ANGPT1: variants seen among roughly 807,000 people sequenced by gnomAD.
ANGPT1 encodes the protein angiopoietin 1.
ANGPT1 carries 17 observed loss-of-function variants against 62.2 expected under a neutral mutation model. That is an observed-to-expected ratio of 0.27 (90% CI 0.19 to 0.41). ANGPT1 has a LOEUF of 0.41. Ranked by LOEUF, ANGPT1 falls within the 10% of genes least tolerant of loss-of-function variation. The pLI, the probability that ANGPT1 is intolerant of heterozygous loss-of-function variation, is 1.00. For synonymous variants in ANGPT1, 199 were observed against 198.9 expected, an observed-to-expected ratio of 1.00 and a Z score of 0.00; for missense variants, 478 against 594.9, an observed-to-expected ratio of 0.80 and a Z score of 2.04.
chr8:107,379,371 C>T (rs1431519111), intron 1 of ANGPT1, among the ~76,000 whole-genome samples: 1 of 152,144 alleles, frequency 6.6e-6, no homozygotes, highest in Non-Finnish European at 1.5e-5. Flanking sequence ...GAAGTACTTA[C>T]TCCATAAGGC....
intron 1 of ANGPT1, among the ~76,000 whole-genome samples, chr8:107,464,347 A>T (rs977901690): frequency 3.3e-5 from 5 of 152,186 alleles, no homozygotes; most frequent in Non-Finnish European, 5.9e-5. Context: ...TAAGAGCTTG[A>T]ATAAGACAAA....
chr8:107,257,390 CTT>C (rs1477394743), intron 8 of ANGPT1, among the ~76,000 whole-genome samples: 1 of 152,110 alleles, frequency 6.6e-6, no homozygotes, highest in Non-Finnish European at 1.5e-5. Flanking sequence ...ATAGATGAAA[CTT>C]TGCCCAGAAA....
At chr8:107,497,227 G>A (rs1318231751) in intron 1 of ANGPT1, 35 bp downstream of exon 1, 12 of 1,600,284 alleles carry the variant, frequency 7.5e-6, no homozygotes, top group Non-Finnish European at 1.0e-5. Flanking sequence ...AAGGAAAAAG[G>A]TCCGTGCTAT....
At chr8:107,330,449 T>C (rs1011830969) in intron 3 of ANGPT1, among the ~76,000 whole-genome samples, 1 of 152,158 alleles carries the variant, frequency 6.6e-6, no homozygotes, top group East Asian at 1.9e-4. Context: ...TGGAAGTAAG[T>C]CTGCAAAAGT....
rs1814055441 is a variant in ANGPT1 at position 107,283,100 on chromosome 8, A to C, written c.1205+1582T>G. Among the ~76,000 whole-genome samples, 4 of 152,142 alleles carry C rather than the reference A, an allele frequency of 2.6e-5. No individual in the cohort carries two copies. In the South Asian group the frequency reaches 8.3e-4, roughly 32 times the overall value. ...AAATTCTTCAGGAGCCTAGGAAAAG[A>C]CTAGACTAATTATTTGCTAGTCCTA... On this transcript the variant is annotated intron_variant, in intron 7 of 8. Transcript: ENST00000517746.
intron 1 of ANGPT1, among the ~76,000 whole-genome samples, chr8:107,434,807 T>G (rs1398171525): frequency 6.6e-6 from 1 of 152,140 alleles, no homozygotes; most frequent in African/African-American, 2.4e-5. Flanking sequence ...TTTGAAATGG[T>G]TTTTCCCTGA....
intron 1 of ANGPT1, among the ~76,000 whole-genome samples, chr8:107,395,460 C>T (rs1325147813): frequency 6.6e-6 from 1 of 152,064 alleles, no homozygotes; most frequent in Non-Finnish European, 1.5e-5. Flanking sequence ...CATATATAAT[C>T]CACAAGTTTC....
chr8:107,299,401 A>G (rs1260695316), intron 5 of ANGPT1, among the ~76,000 whole-genome samples: 7 of 139,118 alleles, frequency 5.0e-5, no homozygotes, highest in African/African-American at 1.0e-4. Flanking sequence ...GTATATATAT[A>G]TATATATATA....
At chr8:107,322,648 A>G in intron 3 of ANGPT1, 1 of 218,264 alleles carries the variant, frequency 4.6e-6, no homozygotes, top group South Asian at 6.0e-5. Flanking sequence ...ATCAGAAATA[A>G]AGAGAAAAAT....
intron 1 of ANGPT1, among the ~76,000 whole-genome samples, chr8:107,483,627 T>G (rs1341039797): frequency 6.6e-6 from 1 of 152,140 alleles, no homozygotes; most frequent in Non-Finnish European, 1.5e-5. Context: ...TGATGACTCT[T>G]CCCCAGAATA....
At chr8:107,332,869 C>T (rs1230582771) in intron 3 of ANGPT1, among the ~76,000 whole-genome samples, 1 of 152,128 alleles carries the variant, frequency 6.6e-6, no homozygotes, top group African/African-American at 2.4e-5. Context: ...TTCAGAGATG[C>T]CTTAATGTAG....
chr8:107,412,608 C>A (rs1406227382), intron 1 of ANGPT1, among the ~76,000 whole-genome samples: 3 of 152,080 alleles, frequency 2.0e-5, no homozygotes, highest in Non-Finnish European at 1.5e-5. Flanking sequence ...TTATTTAAAT[C>A]CGCATTGAGT....
chr8:107,297,855 A>C (rs1586198897), intron 5 of ANGPT1, among the ~76,000 whole-genome samples: 1 of 150,482 alleles, frequency 6.6e-6, no homozygotes, highest in East Asian at 1.9e-4. Context: ...ATTTTTAGTC[A>C]GAAAAAAAAA....
At chr8:107,493,608 C>T (rs527729883) in intron 1 of ANGPT1, among the ~76,000 whole-genome samples, 1 of 150,306 alleles carries the variant, frequency 6.7e-6, no homozygotes, top group East Asian at 2.0e-4. Context: ...GTGTATACCT[C>T]GAATAAAATG....
chr8:107,349,471 T>C (rs965373083), intron 1 of ANGPT1, among the ~76,000 whole-genome samples: 2 of 152,138 alleles, frequency 1.3e-5, no homozygotes, highest in African/African-American at 4.8e-5. Context: ...GAATTTGAGG[T>C]TATACATGAG....
At chr8:107,404,146 T>C (rs1222706452) in intron 1 of ANGPT1, among the ~76,000 whole-genome samples, 1 of 152,132 alleles carries the variant, frequency 6.6e-6, no homozygotes, top group Non-Finnish European at 1.5e-5. Flanking sequence ...TACTCTTATT[T>C]TGTAGAGAGT....
At chr8:107,493,538 A>AATAACCAT (rs1813019127) in intron 1 of ANGPT1, among the ~76,000 whole-genome samples, 1 of 150,608 alleles carries the variant, frequency 6.6e-6, no homozygotes, top group Admixed American at 6.7e-5. Context: ...TTAGGACAAA[A>AATAACCAT]ATAACCATAG....
intron 1 of ANGPT1, among the ~76,000 whole-genome samples, chr8:107,483,201 C>T (rs1336808222): frequency 6.6e-6 from 1 of 152,080 alleles, no homozygotes; most frequent in Non-Finnish European, 1.5e-5. Flanking sequence ...TGACCTTTTC[C>T]TTGCAAATTG....
At chr8:107,361,213 A>T (rs893625603) in intron 1 of ANGPT1, among the ~76,000 whole-genome samples, 3 of 151,978 alleles carry the variant, frequency 2.0e-5, no homozygotes, top group Non-Finnish European at 1.5e-5. Flanking sequence ...GATTTTTTTT[A>T]AAGTTTACTA....
Sources: gnomAD v4.1 joint callset for allele counts (sites outside exome capture counted in the v4.1 genomes callset) on GRCh38, gnomAD v4.1.1 for gene constraint, MANE v1.5 for transcripts, NCBI Gene and HGNC (gene_info 2026-07-23, HGNC 2026-07-21) for gene names.